The following MSRA variants were observed in gnomAD, a reference collection of about 807,000 sequenced individuals.
MSRA encodes the protein methionine sulfoxide reductase A.
A neutral mutation model predicts 31.3 loss-of-function variants in MSRA; 54 were observed. The observed-to-expected ratio is 1.73, with a 90% CI of 1.39 to 2.17. The LOEUF (loss-of-function observed/expected upper bound fraction) is 2.17, where lower values mean the gene tolerates loss of function less well. Among genes scored for constraint, MSRA ranks in the 30% most tolerant of loss-of-function variants. The pLI is 0.00. For missense variants in MSRA, 507 were observed against 300.9 expected, an observed-to-expected ratio of 1.69 and a Z score of -5.07; for synonymous variants, 169 against 116.5, an observed-to-expected ratio of 1.45 and a Z score of -2.90.
chr8:10,168,595 TGTA>T (rs1360354500), intron 1 of MSRA, among the ~76,000 whole-genome samples: 1 of 152,194 alleles, frequency 6.6e-6, no homozygotes. Flanking sequence ...GATAATGAGT[TGTA>T]GTCTATTTTA....
chr8:10,337,458 C>A lies in MSRA; in HGVS notation c.543+17469C>A, dbSNP rs59544712. 6.7e-4 allele frequency: 301 copies of A among 451,002 alleles called. 3 individuals are homozygous for A. The highest frequency in any genetic ancestry group is 5.7e-3 in the African/African-American group (281 of 49,614). The allele number at this position is 451,002 out of a possible 1,614,324, so 27.9% of individuals were successfully genotyped here. On this transcript the variant is annotated intron_variant, in intron 5 of 5. Transcript: ENST00000317173. Reference sequence around the variant, plus strand: ...CCTCCCAAAGTGCTGGGATTACAGGCGTGAGCCACCACGCCCGGCCAAGCC... The same window carrying A: ...CCTCCCAAAGTGCTGGGATTACAGGAGTGAGCCACCACGCCCGGCCAAGCC...
At chr8:10,227,375 T>C (rs529560088) in intron 2 of MSRA, among the ~76,000 whole-genome samples, 1 of 152,204 alleles carries the variant, frequency 6.6e-6, no homozygotes, top group East Asian at 1.9e-4. Context: ...ATTAGATCTG[T>C]GAAGGGGAAT....
At position 10,357,460 on chromosome 8, in the gene MSRA, T is replaced by C. The variant is rs182215838; in HGVS notation, c.543+37471T>C. Among the ~76,000 whole-genome samples, 67 of 152,346 alleles carry C rather than the reference T, an allele frequency of 4.4e-4. No homozygotes were observed. The South Asian group carries it at 5.2e-3, about 12-fold the overall frequency. On this transcript the variant is annotated intron_variant, in intron 5 of 5. Transcript: ENST00000317173. ...TTATGAACTCATGGATTTACACACA[T>C]TTGATGGGTTTCAGTCCATTGCAAT...
chr8:10,077,616 A>G (rs1345431594), intron 1 of MSRA, among the ~76,000 whole-genome samples: 1 of 151,114 alleles, frequency 6.6e-6, no homozygotes, highest in African/African-American at 2.4e-5. Context: ...AGTCCCCAGG[A>G]CTGGACCCCT....
At chr8:10,339,991 T>C (rs1449262212) in intron 5 of MSRA, among the ~76,000 whole-genome samples, 4 of 152,332 alleles carry the variant, frequency 2.6e-5, no homozygotes. Flanking sequence ...CCAAGGCAGC[T>C]GCCCTAGCTG....
chr8:10,073,955 C>G (rs1186229267), intron 1 of MSRA, among the ~76,000 whole-genome samples: 1 of 148,704 alleles, frequency 6.7e-6, no homozygotes, highest in Non-Finnish European at 1.5e-5. Flanking sequence ...AGATACATGA[C>G]TTCACTGATC....
intron 1 of MSRA, among the ~76,000 whole-genome samples, chr8:10,126,069 A>C (rs1369020579): frequency 6.6e-6 from 1 of 152,222 alleles, no homozygotes; most frequent in Non-Finnish European, 1.5e-5. Flanking sequence ...AAACCGTGGA[A>C]ATCATGCTAC....
rs1048938339 is a variant in MSRA, at chr8:10,120,783, C to A, written c.142+66125C>A. ...ACTGTGTTAATTGGGAAGCCTTGTT[C>A]TCTCTCCAAACGCTGTGGCTGCTGG... On this transcript the variant is annotated intron_variant, in intron 1 of 5. Transcript: ENST00000317173. 5.4e-4 allele frequency among the ~76,000 whole-genome samples: 83 copies of A among 152,328 alleles called. 2 individuals carry two copies. Among genetic ancestry groups the A allele is most frequent in the Admixed American group, 4.9e-3 (75 of 15,300 alleles).
chr8:10,206,995 T>C (rs1339088660), intron 1 of MSRA, among the ~76,000 whole-genome samples: 1 of 152,228 alleles, frequency 6.6e-6, no homozygotes, highest in Non-Finnish European at 1.5e-5. Context: ...CTGCCGATGA[T>C]GCAGTGTGAA....
intron 1 of MSRA, among the ~76,000 whole-genome samples, chr8:10,056,189 C>G (rs1802352058): frequency 7.9e-6 from 1 of 125,942 alleles, no homozygotes. Context: ...GCTATGCCCT[C>G]CCATACACCA....
intron 1 of MSRA, among the ~76,000 whole-genome samples, chr8:10,081,447 C>T (rs1466052461): frequency 3.3e-5 from 5 of 152,150 alleles, no homozygotes; most frequent in East Asian, 1.9e-4. Context: ...CCTCAAGGTT[C>T]GGGCATCTCC....
At chr8:10,067,108 C>T (rs1042209145) in intron 1 of MSRA, among the ~76,000 whole-genome samples, 1 of 152,238 alleles carries the variant, frequency 6.6e-6, no homozygotes, top group South Asian at 2.1e-4. Context: ...ATGTACCTAC[C>T]ATTGCAGTAT....
chr8:10,138,106 C>G (rs1449194995), intron 1 of MSRA, among the ~76,000 whole-genome samples: 1 of 152,154 alleles, frequency 6.6e-6, no homozygotes, highest in African/African-American at 2.4e-5. Context: ...TGGAGCTGGT[C>G]AGACTCTTTC....
chr8:10,059,539 T>A (rs1009004276), intron 1 of MSRA, among the ~76,000 whole-genome samples: 1 of 152,206 alleles, frequency 6.6e-6, no homozygotes, highest in Non-Finnish European at 1.5e-5. Context: ...GAACAGAATG[T>A]TTTTATAATC....
chr8:10,064,214 G>T (rs890874758), intron 1 of MSRA, among the ~76,000 whole-genome samples: 2 of 152,248 alleles, frequency 1.3e-5, no homozygotes, highest in African/African-American at 4.8e-5. Flanking sequence ...TGCCCTCTCC[G>T]TTCAGTGAGA....
chr8:10,394,367 G>A (rs1488509281), intron 5 of MSRA, among the ~76,000 whole-genome samples: 1 of 152,148 alleles, frequency 6.6e-6, no homozygotes, highest in Non-Finnish European at 1.5e-5. Context: ...GAGTTCCCTA[G>A]CCACCCCACC....
At chr8:10,152,692 G>A (rs1191814333) in intron 1 of MSRA, among the ~76,000 whole-genome samples, 1 of 152,170 alleles carries the variant, frequency 6.6e-6, no homozygotes, top group Non-Finnish European at 1.5e-5. Context: ...CATTCTGAAG[G>A]AGGTTGTTAA....
At chr8:10,133,322 A>T (rs1304555377) in intron 1 of MSRA, among the ~76,000 whole-genome samples, 3 of 152,162 alleles carry the variant, frequency 2.0e-5, no homozygotes, top group African/African-American at 7.2e-5. Context: ...ATTAATATGT[A>T]TTAGAAAGAG....
intron 4 of MSRA, among the ~76,000 whole-genome samples, chr8:10,318,607 A>G (rs1350298589): frequency 2.0e-5 from 3 of 152,134 alleles, no homozygotes; most frequent in African/African-American, 7.2e-5. Flanking sequence ...CCCTCTGGAG[A>G]ACAGCATTAT....
Sources: gnomAD v4.1 joint callset for allele counts (sites outside exome capture counted in the v4.1 genomes callset) on GRCh38, gnomAD v4.1.1 for gene constraint, MANE v1.5 for transcripts, NCBI Gene and HGNC (gene_info 2026-07-23, HGNC 2026-07-21) for gene names.